LRRC63: variants seen among roughly 807,000 people sequenced by gnomAD.
LRRC63 encodes the protein leucine rich repeat containing 63.
Under a neutral mutation model 49.5 loss-of-function variants are expected in LRRC63, and 40 were observed. The observed-to-expected ratio is 0.81, with a 90% CI of 0.63 to 1.05. LRRC63 has a LOEUF of 1.05. LRRC63 is among the 50% of genes least tolerant of loss of function. LRRC63 has a pLI of 0.00. For missense variants in LRRC63, 636 were observed against 663.1 expected, an observed-to-expected ratio of 0.96 and a Z score of 0.45; for synonymous variants, 191 against 221.1, an observed-to-expected ratio of 0.86 and a Z score of 1.21.
intron 2 of LRRC63, 73 bp downstream of exon 2, chr13:46,213,192 C>T (rs1344591446): frequency 8.2e-6 from 8 of 976,184 alleles, no homozygotes; most frequent in Non-Finnish European, 9.1e-6. Flanking sequence ...TTGCACAGCT[C>T]AGAATCACAA....
intron 2 of LRRC63, 48 bp from the exon 3 acceptor site, chr13:46,227,464 A>T (rs1164832332): frequency 8.3e-7 from 1 of 1,202,548 alleles, no homozygotes; most frequent in South Asian, 1.7e-5. Context: ...TTTGTCTGTG[A>T]CATATTGATA....
At chr13:46,255,645 A>AATATATATATATATATATATATATAT (rs142798828) in intron 7 of LRRC63, among the ~76,000 whole-genome samples, 67 of 129,394 alleles carry the variant, frequency 5.2e-4, no homozygotes, top group Middle Eastern at 9.3e-3. Flanking sequence ...CCCTGCCTCA[A>AATATATATATATATATATATATATAT]ATATATATAT....
chr13:46,228,811 G>T, intron 4 of LRRC63, 78 bp downstream of exon 4: 1 of 963,070 alleles, frequency 1.0e-6, no homozygotes, highest in South Asian at 1.5e-5. Context: ...GTGATTTTTT[G>T]TGTTTATGTG....
intron 9 of LRRC63, chr13:46,270,098 G>T: frequency 1.6e-6 from 1 of 624,800 alleles, no homozygotes. Context: ...GCGCCAAACC[G>T]CAGAGCCGGT....
At chr13:46,225,482 G>A (rs1377602775) in intron 2 of LRRC63, among the ~76,000 whole-genome samples, 5 of 152,150 alleles carry the variant, frequency 3.3e-5, no homozygotes, top group Admixed American at 6.5e-5. Flanking sequence ...TTCCGCCGGT[G>A]GGAGAGGAAA....
intron 9 of LRRC63, among the ~76,000 whole-genome samples, chr13:46,271,615 A>G (rs2138594371): frequency 1.3e-5 from 2 of 152,194 alleles, no homozygotes; most frequent in Admixed American, 1.3e-4. Context: ...TATTGTAGTC[A>G]CTCAGTCTCA....
intron 9 of LRRC63, among the ~76,000 whole-genome samples, chr13:46,275,333 A>G (rs2047819554): frequency 1.3e-5 from 2 of 152,168 alleles, no homozygotes; most frequent in African/African-American, 2.4e-5. Flanking sequence ...TTGGATAAAT[A>G]CCCAGTAATG....
At chr13:46,220,943 C>A (rs1335652969) in intron 2 of LRRC63, among the ~76,000 whole-genome samples, 3 of 152,166 alleles carry the variant, frequency 2.0e-5, no homozygotes, top group East Asian at 1.9e-4. Flanking sequence ...GGGAAGATTT[C>A]TTTAAGCATC....
chr13:46,274,299 A>G (rs944375720), intron 9 of LRRC63, among the ~76,000 whole-genome samples: 3 of 152,244 alleles, frequency 2.0e-5, no homozygotes, highest in South Asian at 2.1e-4. Context: ...CTGTGACATT[A>G]GTAAAAATAA....
chr13:46,212,172 G>T (rs896998047), exon 1 of LRRC63: 3 of 152,260 alleles, frequency 2.0e-5, no homozygotes, highest in African/African-American at 7.2e-5. Context: ...CCCTCTTTGG[G>T]TACTACGGAA....
chr13:46,264,985 C>T (rs1201773378), intron 8 of LRRC63, among the ~76,000 whole-genome samples: 8 of 152,042 alleles, frequency 5.3e-5, no homozygotes, highest in Admixed American at 2.6e-4. Flanking sequence ...GGTGAAACCC[C>T]GTCTCTACTA....
At chr13:46,269,506 C>T (rs1448179136) in intron 9 of LRRC63, among the ~76,000 whole-genome samples, 2 of 147,896 alleles carry the variant, frequency 1.4e-5, no homozygotes, top group Non-Finnish European at 3.0e-5. Context: ...ATATATATGT[C>T]ACCATCAGAC....
chr13:46,214,984 T>C (rs2046207264), intron 2 of LRRC63, among the ~76,000 whole-genome samples: 1 of 152,248 alleles, frequency 6.6e-6, no homozygotes. Flanking sequence ...GATGTGTATG[T>C]ACCACATTTT....
chr13:46,255,645 A>AAT (rs142798828), intron 7 of LRRC63, among the ~76,000 whole-genome samples: 43,262 of 129,188 alleles, frequency 0.33, 7,878 homozygotes, highest in African/African-American at 0.44. Context: ...CCCTGCCTCA[A>AAT]ATATATATAT....
rs1387089201 is a variant in LRRC63 at position 46,269,644 on chromosome 13, A to G, written c.1550+2672A>G. Among the ~76,000 whole-genome samples, 5 of 152,040 alleles carry G rather than the reference A, an allele frequency of 3.3e-5. No homozygotes were observed. The East Asian group carries it at 9.6e-4, about 29-fold the overall frequency. On this transcript the variant is annotated intron_variant, in intron 9 of 9. Transcript: ENST00000595396. ...GGTAGGCAGACATATCTTAACTGCAAAGCAAAAAATATAAACAGTAAAGCA... is the reference window on the plus strand; with the variant it reads ...GGTAGGCAGACATATCTTAACTGCAGAGCAAAAAATATAAACAGTAAAGCA...
chr13:46,270,665 T>C (rs781516203), intron 9 of LRRC63: 1 of 783,384 alleles, frequency 1.3e-6, no homozygotes, highest in South Asian at 1.4e-5. Flanking sequence ...TCTTGTTACC[T>C]GGCCTAAACC....
rs58501776 is a variant in LRRC63 at position 46,255,013 on chromosome 13, A to C, written c.1226+4522A>C. Among the ~76,000 whole-genome samples the C allele has an allele frequency of 3.7e-4, 56 of 152,326 alleles. No homozygotes were observed. In the East Asian group the frequency reaches 0.01, roughly 27 times the overall value. ...CAATAATCAAAAGGTGGTAACTCAA[A>C]TGTCCATTAACAGATTAATTAATGA... On this transcript the variant is annotated intron_variant, in intron 7 of 9. Coordinates refer to ENST00000595396, the Ensembl canonical transcript of LRRC63.
At chr13:46,272,970 T>C (rs1025912359) in intron 9 of LRRC63, among the ~76,000 whole-genome samples, 5 of 152,170 alleles carry the variant, frequency 3.3e-5, no homozygotes, top group African/African-American at 1.2e-4. Context: ...GGAGAGGAGT[T>C]CCAGTGATTG....
intron 2 of LRRC63, among the ~76,000 whole-genome samples, chr13:46,213,818 A>T (rs528122813): frequency 6.6e-6 from 1 of 152,230 alleles, no homozygotes; most frequent in Non-Finnish European, 1.5e-5. Flanking sequence ...ACCTAGCCCC[A>T]TATTTCTTCC....
Sources: allele counts gnomAD v4.1 joint callset (sites outside exome capture counted in the v4.1 genomes callset), GRCh38; gene constraint gnomAD v4.1.1; transcripts MANE v1.5; gene names NCBI Gene and HGNC (gene_info 2026-07-23, HGNC 2026-07-21).